Variants in USP12 observed in about 807,000 individuals in gnomAD.
The protein encoded by USP12 is ubiquitin carboxyl-terminal hydrolase 12.
A neutral mutation model predicts 45.5 loss-of-function variants in USP12; 19 were observed. The observed-to-expected ratio is 0.42, with a 90% CI of 0.29 to 0.61. The LOEUF is 0.61. Ranked by LOEUF, USP12 falls within the 20% of genes least tolerant of loss-of-function variation. The pLI is 0.22. For synonymous variants in USP12, 149 were observed against 148.8 expected (o/e 1.00, Z -0.01); for missense variants, 242 against 447.7 (o/e 0.54, Z 4.15).
intron 6 of USP12, among the ~76,000 whole-genome samples, chr13:27,082,279 A>G (rs1002868342): frequency 2.0e-5 from 3 of 152,174 alleles, no homozygotes; most frequent in Non-Finnish European, 2.9e-5. Flanking sequence ...CTTTTATCTC[A>G]TGGAGACAGC....
At chr13:27,116,077 C>T (rs540503443) in intron 2 of USP12, among the ~76,000 whole-genome samples, 1 of 152,130 alleles carries the variant, frequency 6.6e-6, no homozygotes, top group East Asian at 1.9e-4. Context: ...CTTTAGGAGG[C>T]TGAGGTTGGC....
At chr13:27,166,281 T>G (rs917007152) in intron 1 of USP12, among the ~76,000 whole-genome samples, 4 of 152,208 alleles carry the variant, frequency 2.6e-5, no homozygotes, top group African/African-American at 9.6e-5. Flanking sequence ...AATTAGATTA[T>G]TTAAATCTAA....
At chr13:27,094,330 T>C (rs1247907641) in intron 4 of USP12, among the ~76,000 whole-genome samples, 2 of 151,874 alleles carry the variant, frequency 1.3e-5, no homozygotes, top group East Asian at 3.9e-4. Context: ...ACAGCAAGAC[T>C]CTGTCTCAAA....
At chr13:27,136,506 C>T (rs1044304729) in intron 1 of USP12, among the ~76,000 whole-genome samples, 1 of 151,162 alleles carries the variant, frequency 6.6e-6, no homozygotes, top group Non-Finnish European at 1.5e-5. Flanking sequence ...CTCAAATAAA[C>T]AAATACATAC....
intron 6 of USP12, among the ~76,000 whole-genome samples, chr13:27,086,964 A>T (rs1280831911): frequency 6.6e-6 from 1 of 152,212 alleles, no homozygotes; most frequent in Non-Finnish European, 1.5e-5. Flanking sequence ...TGTCCAAAAC[A>T]AAAATATAAT....
chr13:27,135,149 T>C (rs915183407), intron 1 of USP12, among the ~76,000 whole-genome samples: 3 of 151,890 alleles, frequency 2.0e-5, no homozygotes, highest in East Asian at 1.9e-4. Flanking sequence ...TTAGCTGGCA[T>C]GGTGGAGTGC....
chr13:27,097,468 AAAC>A (rs766622903), intron 3 of USP12, among the ~76,000 whole-genome samples: 11 of 152,342 alleles, frequency 7.2e-5, no homozygotes, highest in South Asian at 2.1e-4. Flanking sequence ...TCCATCTCAA[AAAC>A]AACAACAACA....
intron 3 of USP12, among the ~76,000 whole-genome samples, chr13:27,099,343 T>C (rs979855153): frequency 5.3e-5 from 8 of 152,084 alleles, no homozygotes; most frequent in Non-Finnish European, 1.2e-4. Flanking sequence ...TGTCACTGCC[T>C]GTTACACATT....
At chr13:27,124,466 C>T (rs1464355649) in intron 1 of USP12, among the ~76,000 whole-genome samples, 1 of 152,066 alleles carries the variant, frequency 6.6e-6, no homozygotes, top group Non-Finnish European at 1.5e-5. Context: ...TTTAAATAGC[C>T]AAACTATTAG....
At position 27,129,680 on chromosome 13, in the gene USP12, C is replaced by T. The variant is rs1593199127; in HGVS notation, c.49-13084G>A. On this transcript the variant is annotated intron_variant, in intron 1 of 8. Coordinates refer to ENST00000282344, the MANE Select transcript of USP12 (RefSeq NM_182488.4). This position sits in a 1 kb window ranked among gnomAD's most constrained non-coding sequence, Gnocchi z 4.0. ...ATGACCTGGGCGACAGAGTGAGACCCTATCTCTTAATAATAATAATAGCAA... is the reference window on the plus strand; with the variant it reads ...ATGACCTGGGCGACAGAGTGAGACCTTATCTCTTAATAATAATAATAGCAA... Among the ~76,000 whole-genome samples the T allele has an allele frequency of 6.6e-6, 1 of 152,114 alleles. No homozygotes were observed. The highest frequency in any genetic ancestry group is 1.5e-5 in the Non-Finnish European group (1 of 68,024).
At chr13:27,113,570 A>G in intron 2 of USP12, among the ~76,000 whole-genome samples, 1 of 152,190 alleles carries the variant, frequency 6.6e-6, no homozygotes, top group East Asian at 1.9e-4. Flanking sequence ...TTCATACTCC[A>G]ATGGACGTCA....
rs140076288 is a variant in USP12 at position 27,095,719 on chromosome 13, C to T, written c.455G>A (p.Arg152His). 2.6e-4 allele frequency: 413 copies of T among 1,613,038 alleles called. 1 individual carries two copies. The highest frequency in any genetic ancestry group is 1.0e-3 in the Middle Eastern group (6 of 6,030). The change falls in exon 4 of 9, where the codon CGT becomes CAT. Residue 152 changes from arginine to histidine, a missense_variant. Physicochemically the swap from Arg to His is conservative, Grantham distance 29. Transcript: ENST00000282344. Reference protein sequence around the residue: ...EERKQEKQNGRLPNGNIDNEN... With the variant: ...EERKQEKQNGHLPNGNIDNEN... ...ATTATCAATATTACCATTAGGTAAA[C>T]GACCATTTTGTTTTTCCTGCTTTCT...
At chr13:27,142,022 T>A (rs975064850) in intron 1 of USP12, among the ~76,000 whole-genome samples, 8 of 152,108 alleles carry the variant, frequency 5.3e-5, no homozygotes, top group African/African-American at 1.9e-4. Context: ...CTTGCAAGGC[T>A]GAAGCAGGAG....
chr13:27,091,782 C>T (rs1874327551), intron 4 of USP12, among the ~76,000 whole-genome samples: 1 of 152,214 alleles, frequency 6.6e-6, no homozygotes. Flanking sequence ...AGGAATGAGA[C>T]TGAAAAGGAA....
At chr13:27,142,003 T>A in intron 1 of USP12, among the ~76,000 whole-genome samples, 1 of 143,156 alleles carries the variant, frequency 7.0e-6, no homozygotes, top group East Asian at 1.9e-4. Flanking sequence ...GTGCCTGCAG[T>A]CCCAGCCACT....
At position 27,096,385 on chromosome 13, in the gene USP12, T is replaced by C. The variant is rs1431915309; in HGVS notation, c.344-555A>G. Among the ~76,000 whole-genome samples, 4 of 152,344 alleles carry C rather than the reference T, an allele frequency of 2.6e-5. No homozygotes were observed. In the East Asian group the frequency reaches 7.7e-4, roughly 29 times the overall value. ...ATCATGTTATCAAGAATTATCTATA[T>C]AATCCAGATAATCTCAAGTCCCTTC... On this transcript the variant is annotated intron_variant, in intron 3 of 8. Transcript: ENST00000282344.
chr13:27,090,569 G>C (rs1199802628), intron 4 of USP12, among the ~76,000 whole-genome samples: 1 of 151,956 alleles, frequency 6.6e-6, no homozygotes, highest in Non-Finnish European at 1.5e-5. Context: ...AGCCCAAAAT[G>C]TTAAATTACA....
At position 27,122,607 on chromosome 13, in the gene USP12, G is replaced by A. The variant is rs147692525; in HGVS notation, c.49-6011C>T. Reference sequence around the variant, plus strand: ...GTGGAAGCTGCAGTGAGCCGGGAGTGTGCCACTACACCCCAGCCTGGATGA... The same window carrying A: ...GTGGAAGCTGCAGTGAGCCGGGAGTATGCCACTACACCCCAGCCTGGATGA... On this transcript the variant is annotated intron_variant, in intron 1 of 8. Coordinates refer to ENST00000282344, the MANE Select transcript of USP12 (RefSeq NM_182488.4). Among the ~76,000 whole-genome samples, 83 of 152,038 alleles carry A rather than the reference G, an allele frequency of 5.5e-4. No individual in the cohort carries two copies. The East Asian group carries it at 0.012, about 22-fold the overall frequency.
chr13:27,152,024 G>A (rs1357148551), intron 1 of USP12, among the ~76,000 whole-genome samples: 1 of 152,132 alleles, frequency 6.6e-6, no homozygotes, highest in East Asian at 1.9e-4. Context: ...TGGGGATGCA[G>A]AGAAATGGGA....
Sources: allele counts gnomAD v4.1 joint callset (sites outside exome capture counted in the v4.1 genomes callset), GRCh38; gene constraint gnomAD v4.1.1; non-coding constraint Gnocchi (gnomAD v3.1); transcripts MANE v1.5; gene names NCBI Gene and HGNC (gene_info 2026-07-23, HGNC 2026-07-21).